The following PSMB10 variants were observed in gnomAD, a reference collection of about 807,000 sequenced individuals.
PSMB10 encodes proteasome subunit beta type-10.
A neutral mutation model predicts 29.8 loss-of-function variants in PSMB10; 29 were observed. That is an observed-to-expected ratio of 0.97 (90% CI 0.73 to 1.33). PSMB10 has a LOEUF of 1.33. Ranked by LOEUF, PSMB10 falls within the 40% of genes most tolerant of loss-of-function variation. The probability of loss-of-function intolerance (pLI) is 0.00; values close to 1 mark genes in which losing one functional copy is unlikely to be tolerated. For synonymous variants in PSMB10, 157 were observed against 164.7 expected (o/e 0.95, Z 0.36); for missense variants, 327 against 369.2 (o/e 0.89, Z 0.94).
chr16:67,935,058 C>T, intron 6 of PSMB10, 110 bp from the exon 7 acceptor site: 1 of 1,407,702 alleles, frequency 7.1e-7, no homozygotes, highest in South Asian at 1.3e-5. Context: ...CCTCCAAACC[C>T]CCACTGTGTT....
chr16:67,935,929 C>G, intron 4 of PSMB10, 34 bp downstream of exon 4: 1 of 1,592,044 alleles, frequency 6.3e-7, no homozygotes, highest in Non-Finnish European at 8.6e-7. Flanking sequence ...CCGTAACTAC[C>G]CCTGCCGGGG....
Position 67,934,732 on chromosome 16 carries a change from G to T in PSMB10, c.711-61C>A, listed in dbSNP as rs757242847. The T allele has an allele frequency of 6.2e-7, 1 of 1,610,054 alleles. No homozygotes were observed. Among genetic ancestry groups the T allele is most frequent in the Non-Finnish European group, 8.5e-7 (1 of 1,176,690 alleles). ...CTGTCATGTGGCCCATCCCCTTTTTGCAGCCCCCTATCTCCCCTGCTATAG... is the reference window on the plus strand; with the variant it reads ...CTGTCATGTGGCCCATCCCCTTTTTTCAGCCCCCTATCTCCCCTGCTATAG... On this transcript the variant is annotated intron_variant, in intron 7 of 7. Transcript: ENST00000358514. The surrounding 1 kb of genome is among the most constrained non-coding windows in gnomAD (Gnocchi z 4.3).
In PSMB10 at chr16:67,934,719, C is replaced by G. The variant is rs765305576; in HGVS notation, c.711-48G>C. The G allele has an allele frequency of 6.2e-7, 1 of 1,611,142 alleles. No individual in the cohort carries two copies. The highest frequency in any genetic ancestry group is 1.1e-5 in the South Asian group (1 of 91,044). On this transcript the variant is annotated intron_variant, in intron 7 of 7. Transcript: ENST00000358514. The surrounding 1 kb of genome is among the most constrained non-coding windows in gnomAD (Gnocchi z 4.3). ...TCTGAACATGGGCCTGTCATGTGGC[C>G]CATCCCCTTTTTGCAGCCCCCTATC...
rs373856376 is a variant in PSMB10 at position 67,935,410 on chromosome 16, G to A, written c.558+10C>T. ...CAGCGACCACAAAGTCGGGGACAGA[G>A]GCCGCTCACCGTCATGTTCGGCTGG... On this transcript the variant is annotated intron_variant, in intron 6 of 7. Transcript: ENST00000358514. The A allele has an allele frequency of 4.5e-4, 731 of 1,613,572 alleles. No homozygotes were observed. Among genetic ancestry groups the A allele is most frequent in the Middle Eastern group, 5.0e-4 (3 of 6,054 alleles).
intron 4 of PSMB10, 73 bp downstream of exon 4, chr16:67,935,890 T>G (rs1324525297): frequency 1.3e-5 from 20 of 1,561,718 alleles, no homozygotes; most frequent in Non-Finnish European, 1.5e-5. Context: ...CCGCCCTTCT[T>G]TCTGTCCCGC....
At position 67,935,435 on chromosome 16, in the gene PSMB10, G is replaced by T. The variant is rs781627982; in HGVS notation, c.543C>A (p.Phe181Leu). ...GGCCGCTCACCGTCATGTTCGGCTG[G>T]AACCGGTCTTCTAGCACCGCCAGGG... is the stretch of plus-strand genomic sequence containing the variant. ...DAALAVLEDR[F>L]QPNMTLEAAQ... Residue 181 changes from phenylalanine to leucine, a missense_variant, in exon 6 of 8, where the codon TTC (phenylalanine) becomes TTA (leucine). By Grantham distance (22) the Phe-to-Leu change is conservative. Transcript: ENST00000358514. The T allele has an allele frequency of 6.2e-7, 1 of 1,614,070 alleles. No individual in the cohort carries two copies. Among genetic ancestry groups the T allele is most frequent in the Non-Finnish European group, 8.5e-7 (1 of 1,180,034 alleles).
Position 67,936,476 on chromosome 16 carries a change from T to A in PSMB10, c.66A>T (p.Ser22=). ...FSFENCQRNA[S]LERVLPGLKV... ...TGAGCCCCGGGAGGACGCGTTCCAA[T>A]GATGCATTTCTGGAAACGGAGGAGG... Residue 22 remains serine, a synonymous_variant, in exon 2 of 8, where the codon TCA becomes TCT. Transcript: ENST00000358514. The A allele has an allele frequency of 1.2e-6, 2 of 1,613,216 alleles. No individual in the cohort carries two copies. Among genetic ancestry groups the A allele is most frequent in the South Asian group, 2.2e-5 (2 of 90,990 alleles).
intron 4 of PSMB10, 28 bp downstream of exon 4, chr16:67,935,935 C>G: frequency 1.3e-6 from 2 of 1,593,774 alleles, no homozygotes; most frequent in African/African-American, 1.3e-5. Flanking sequence ...CTACCCCTGC[C>G]GGGGTCCTGT....
intron 4 of PSMB10, 91 bp downstream of exon 4, chr16:67,935,872 T>C (rs990729332): frequency 3.4e-5 from 52 of 1,536,294 alleles, no homozygotes; most frequent in Non-Finnish European, 4.3e-5. Context: ...ACCTGGCCCG[T>C]CGCGGTCCCG....
At chr16:67,935,196 T>C (rs2058258114) in intron 6 of PSMB10, 2 of 705,968 alleles carry the variant, frequency 2.8e-6, no homozygotes, top group Non-Finnish European at 4.6e-6. Flanking sequence ...CCTCGGCTCC[T>C]AAAGATCCTC....
Position 67,934,536 on chromosome 16 carries a change from T to C in PSMB10, c.*24A>G, listed in dbSNP as rs1258657136. On this transcript the variant is annotated 3_prime_UTR_variant, in exon 8 of 8. Coordinates refer to ENST00000358514, the MANE Select transcript of PSMB10 (RefSeq NM_002801.4). This position sits in a 1 kb window ranked among gnomAD's most constrained non-coding sequence, Gnocchi z 4.3. ...CTGTATTTTCTGGGTTTATTCCCCC[T>C]TGTTCCAAGCTCTAAGCCTCAGCTT... The C allele has an allele frequency of 1.1e-5, 18 of 1,599,426 alleles. No individual in the cohort carries two copies. The highest frequency in any genetic ancestry group is 1.5e-5 in the Non-Finnish European group (18 of 1,166,820).
At chr16:67,935,548 G>A in intron 5 of PSMB10, 34 bp downstream of exon 5, 1 of 1,613,860 alleles carries the variant, frequency 6.2e-7, no homozygotes, top group Non-Finnish European at 8.5e-7. Flanking sequence ...GGTCACAGGG[G>A]CAGAGTTCGA....
At chr16:67,936,187 G>C (rs1225208676) in intron 3 of PSMB10, 28 bp downstream of exon 3, 5 of 1,612,456 alleles carry the variant, frequency 3.1e-6, no homozygotes, top group East Asian at 2.2e-5. Flanking sequence ...TCTTTTTTGC[G>C]TACGGGAACT....
At chr16:67,936,575 C>T (rs1215880939) in intron 1 of PSMB10, 90 bp from the exon 2 acceptor site, 3 of 1,456,424 alleles carry the variant, frequency 2.1e-6, no homozygotes, top group Non-Finnish European at 2.8e-6. Context: ...CCTCATCTTC[C>T]GGGGTAAGCC....
chr16:67,934,687 G>A lies in PSMB10; in HGVS notation c.711-16C>T, dbSNP rs774955382. On this transcript the variant is annotated splice_polypyrimidine_tract_variant and intron_variant, in intron 7 of 7. Coordinates refer to ENST00000358514, the MANE Select transcript of PSMB10 (RefSeq NM_002801.4). The surrounding 1 kb of genome is among the most constrained non-coding windows in gnomAD (Gnocchi z 4.3). ...GCGGCCAGACCTGGGAGGGAGGAGG[G>A]ACAGCCTCTGAACATGGGCCTGTCA... 1.2e-6 allele frequency: 2 copies of A among 1,613,666 alleles called. No homozygotes were observed. Among genetic ancestry groups the A allele is most frequent in the African/African-American group, 1.3e-5 (1 of 74,890 alleles).
chr16:67,935,624 G>A lies in PSMB10; in HGVS notation c.457C>T (p.His153Tyr), dbSNP rs138394638. 1.2e-6 allele frequency: 2 copies of A among 1,614,220 alleles called. No individual in the cohort carries two copies. Among genetic ancestry groups the A allele is most frequent in the African/African-American group, 2.7e-5 (2 of 75,064 alleles). The change falls in exon 5 of 8, where the codon CAT (histidine) becomes TAT (tyrosine). Residue 153 changes from histidine to tyrosine, a missense_variant. By Grantham distance (83) the His-to-Tyr change is moderately conservative. Coordinates refer to ENST00000358514, the MANE Select transcript of PSMB10 (RefSeq NM_002801.4). Reference sequence around the variant, plus strand: ...AGACGGCTGTAGGAGCCATGGGGATGCACACCGTAGAGCTGCGGTCCAGTC... The same window carrying A: ...AGACGGCTGTAGGAGCCATGGGGATACACACCGTAGAGCTGCGGTCCAGTC... ...DLTGPQLYGV[H>Y]PHGSYSRLPF...
At chr16:67,935,776 C>T (rs2058260884) in intron 4 of PSMB10, 79 bp from the exon 5 acceptor site, 1 of 1,520,374 alleles carries the variant, frequency 6.6e-7, no homozygotes, top group African/African-American at 1.4e-5. Context: ...AGGTGCTATC[C>T]CCGCCCCTTC....
chr16:67,936,127 G>A, intron 3 of PSMB10, 24 bp from the exon 4 acceptor site: 1 of 1,607,756 alleles, frequency 6.2e-7, no homozygotes, highest in Non-Finnish European at 8.5e-7. Flanking sequence ...GAGGATCGGT[G>A]TGGGCAGGGC....
At chr16:67,935,885 C>G (rs1170955981) in intron 4 of PSMB10, 78 bp downstream of exon 4, 1 of 1,556,992 alleles carries the variant, frequency 6.4e-7, no homozygotes, top group Non-Finnish European at 8.7e-7. Flanking sequence ...CGGTCCCGCC[C>G]TTCTTTCTGT....
Sources: allele counts gnomAD v4.1 joint callset, GRCh38; gene constraint gnomAD v4.1.1; non-coding constraint Gnocchi (gnomAD v3.1); transcripts MANE v1.5; gene names NCBI Gene and HGNC (gene_info 2026-07-23, HGNC 2026-07-21).